Variants in MTA3 observed in about 807,000 individuals in gnomAD.
The protein encoded by MTA3 is metastasis-associated protein MTA3.
MTA3 carries 34 observed loss-of-function variants against 83.5 expected under a neutral mutation model. The observed-to-expected ratio is 0.41, with a 90% confidence interval of 0.31 to 0.54. The LOEUF is 0.54. Among genes scored for constraint, MTA3 ranks in the 20% least tolerant of loss-of-function variants. The pLI is 0.33. For synonymous variants in MTA3, 303 were observed against 252.7 expected, an observed-to-expected ratio of 1.20 and a Z score of -1.89; for missense variants, 761 against 726.4, an observed-to-expected ratio of 1.05 and a Z score of -0.55.
At chr2:42,537,430 T>A (rs1466484971) in intron 2 of MTA3, among the ~76,000 whole-genome samples, 4 of 151,968 alleles carry the variant, frequency 2.6e-5, no homozygotes, top group African/African-American at 9.7e-5. Context: ...CTGGGCATAG[T>A]GGTGGGTGCC....
intron 2 of MTA3, among the ~76,000 whole-genome samples, chr2:42,504,827 A>C (rs1674555361): frequency 6.6e-6 from 1 of 151,752 alleles, no homozygotes; most frequent in African/African-American, 2.4e-5. Flanking sequence ...CAAAAGAAAC[A>C]CTCTCTTCCT....
intron 2 of MTA3, among the ~76,000 whole-genome samples, chr2:42,558,378 C>T (rs1177697213): frequency 3.3e-5 from 5 of 150,728 alleles, no homozygotes; most frequent in African/African-American, 2.4e-5. Context: ...GTAGCTGGGA[C>T]TAACTGGGAC....
At chr2:42,720,180 T>TTTA (rs892719992) in intron 15 of MTA3, among the ~76,000 whole-genome samples, 1,840 of 144,686 alleles carry the variant, frequency 0.013, 39 homozygotes, top group African/African-American at 0.045. Flanking sequence ...TATTTATTTA[T>TTTA]TTTATTTATT....
At chr2:42,747,991 G>GT (rs777690361) in intron 16 of MTA3, among the ~76,000 whole-genome samples, 1 of 151,566 alleles carries the variant, frequency 6.6e-6, no homozygotes, top group South Asian at 2.1e-4. Flanking sequence ...CCACTGATTT[G>GT]TTTTTTGCCA....
chr2:42,554,036 C>G (rs1276836742), intron 2 of MTA3, among the ~76,000 whole-genome samples: 1 of 151,910 alleles, frequency 6.6e-6, no homozygotes, highest in Non-Finnish European at 1.5e-5. Flanking sequence ...GAGTTTGAGA[C>G]CAGCCTGACC....
chr2:42,555,648 G>T (rs1179320020), intron 2 of MTA3, among the ~76,000 whole-genome samples: 1 of 147,488 alleles, frequency 6.8e-6, no homozygotes. Flanking sequence ...GGCGCCTGTA[G>T]TCCCAGCTAC....
intron 4 of MTA3, among the ~76,000 whole-genome samples, chr2:42,619,512 G>C (rs112182286): frequency 0.019 from 2,894 of 152,174 alleles, 80 homozygotes; most frequent in African/African-American, 0.064. Context: ...TACATACAAA[G>C]TAAAATATTG....
At chr2:42,752,340 G>C (rs1243330234) in intron 16 of MTA3, 1 of 467,908 alleles carries the variant, frequency 2.1e-6, no homozygotes, top group African/African-American at 2.0e-5. Context: ...CTGGCAGCAG[G>C]GTGATGTGCC....
At chr2:42,515,409 CCTGG>C (rs778927259) in intron 2 of MTA3, among the ~76,000 whole-genome samples, 3 of 152,076 alleles carry the variant, frequency 2.0e-5, no homozygotes, top group Non-Finnish European at 2.9e-5. Context: ...GTCTTGAACT[CCTGG>C]ACTCAAACAA....
intron 16 of MTA3, among the ~76,000 whole-genome samples, chr2:42,739,093 T>A (rs1202638429): frequency 2.0e-5 from 3 of 152,192 alleles, no homozygotes; most frequent in Admixed American, 2.0e-4. Flanking sequence ...CACCCACACC[T>A]ATTTGCACAC....
At chr2:42,514,891 G>C (rs76145448) in intron 2 of MTA3, among the ~76,000 whole-genome samples, 3,172 of 150,062 alleles carry the variant, frequency 0.021, 109 homozygotes, top group African/African-American at 0.074. Flanking sequence ...GGTTGCCACT[G>C]TGTTGCCCAG....
chr2:42,509,665 G>A (rs1443892704), intron 2 of MTA3, among the ~76,000 whole-genome samples: 1 of 152,062 alleles, frequency 6.6e-6, no homozygotes, highest in Non-Finnish European at 1.5e-5. Flanking sequence ...CGGCTACTTG[G>A]GAGGCTGAGG....
chr2:42,532,210 G>A (rs545072622), intron 2 of MTA3, among the ~76,000 whole-genome samples: 8 of 152,234 alleles, frequency 5.3e-5, no homozygotes, highest in Non-Finnish European at 8.8e-5. Context: ...CAAATATTTC[G>A]TACATAATAT....
At chr2:42,718,938 C>G in intron 14 of MTA3, 50 bp from the exon 15 acceptor site, 4 of 1,363,024 alleles carry the variant, frequency 2.9e-6, no homozygotes, top group Non-Finnish European at 4.1e-6. Context: ...TGTAGTCTGG[C>G]TAGAGAAATC....
chr2:42,724,277 A>AAAACACACACACACACACACACAC (rs1553396460), intron 16 of MTA3, among the ~76,000 whole-genome samples: 1 of 73,150 alleles, frequency 1.4e-5, no homozygotes, highest in African/African-American at 6.1e-5. Flanking sequence ...AGTCCTGAAA[A>AAAACACACACACACACACACACAC]ACACACACAC....
At chr2:42,557,141 G>T (rs929281304) in intron 2 of MTA3, among the ~76,000 whole-genome samples, 2 of 152,110 alleles carry the variant, frequency 1.3e-5, no homozygotes, top group South Asian at 4.1e-4. Flanking sequence ...TACTCGGGAG[G>T]CTGAGGCAGG....
intron 7 of MTA3, among the ~76,000 whole-genome samples, chr2:42,656,564 C>T (rs987923328): frequency 6.6e-6 from 1 of 151,940 alleles, no homozygotes; most frequent in Non-Finnish European, 1.5e-5. Flanking sequence ...GAAGAAAATA[C>T]CTGAAGTCCC....
chr2:42,698,753 C>T (rs1387656477), intron 11 of MTA3, among the ~76,000 whole-genome samples: 1 of 152,048 alleles, frequency 6.6e-6, no homozygotes, highest in African/African-American at 2.4e-5. Context: ...TAGAGGAGGC[C>T]TCATAGACAA....
At position 42,709,056 on chromosome 2, in the gene MTA3, G is replaced by A; in HGVS notation, c.1485G>A (p.Arg495=). The change falls in exon 14 of 17, where the codon CGG becomes CGA. Residue 495 remains arginine, a synonymous_variant. Coordinates refer to ENST00000405094, the MANE Select transcript of MTA3 (RefSeq NM_001330442.2). ...NTLRLRQAAR[R]PFVAINYAAI... Reference sequence around the variant, plus strand: ...TCCGGCTGCGGCAGGCAGCAAGACGGCCGTTTGTTGCTATTAATTATGCTG... The same window carrying A: ...TCCGGCTGCGGCAGGCAGCAAGACGACCGTTTGTTGCTATTAATTATGCTG... The A allele has an allele frequency of 6.2e-7, 1 of 1,612,094 alleles. No individual in the cohort carries two copies. Among genetic ancestry groups the A allele is most frequent in the Non-Finnish European group, 8.5e-7 (1 of 1,178,934 alleles).
Sources: gnomAD v4.1 joint callset for allele counts (sites outside exome capture counted in the v4.1 genomes callset) on GRCh38, gnomAD v4.1.1 for gene constraint, MANE v1.5 for transcripts, NCBI Gene and HGNC (gene_info 2026-07-23, HGNC 2026-07-21) for gene names.